ULK4: variants seen among roughly 807,000 people sequenced by gnomAD.
ULK4 encodes unc-51 like kinase 4, also known as inactive serine/threonine-protein kinase ULK4.
Under a neutral mutation model 160.6 loss-of-function variants are expected in ULK4, and 133 were observed. That is an observed-to-expected ratio of 0.83 (90% confidence interval 0.72 to 0.96). ULK4 has a LOEUF of 0.96. Among genes scored for constraint, ULK4 ranks in the 40% least tolerant of loss-of-function variants. ULK4 has a pLI of 0.00. For synonymous variants in ULK4, 534 were observed against 539.8 expected, an observed-to-expected ratio of 0.99 and a Z score of 0.15; for missense variants, 1,580 against 1,499.5, an observed-to-expected ratio of 1.05 and a Z score of -0.89.
rs117014843 is a variant in ULK4, at chr3:41,706,934, A to G, written c.2635-1629T>C. On this transcript the variant is annotated intron_variant, in intron 25 of 36. Transcript: ENST00000301831. ...AGAGAGAATAGAATCTATGTAACAT[A>G]TACAAAAGAACATAGGTATGTATTT... Among the ~76,000 whole-genome samples, 9 of 151,112 alleles carry G rather than the reference A, an allele frequency of 6.0e-5. No individual in the cohort carries two copies. In the East Asian group the frequency reaches 1.7e-3, roughly 29 times the overall value.
chr3:41,539,988 G>A (rs1314112194), intron 32 of ULK4, among the ~76,000 whole-genome samples: 2 of 151,942 alleles, frequency 1.3e-5, no homozygotes, highest in East Asian at 3.8e-4. Flanking sequence ...AAAGTTAGAG[G>A]AGAATATTTT....
intron 19 of ULK4, among the ~76,000 whole-genome samples, chr3:41,812,860 A>G (rs182463810): frequency 6.6e-6 from 1 of 152,162 alleles, no homozygotes; most frequent in African/African-American, 2.4e-5. Flanking sequence ...ATGTGTGTAC[A>G]TTAGGGAGGC....
chr3:41,299,816 C>T (rs1451805051), intron 35 of ULK4, among the ~76,000 whole-genome samples: 3 of 152,142 alleles, frequency 2.0e-5, no homozygotes, highest in Non-Finnish European at 4.4e-5. Context: ...ACAAAATATT[C>T]CACTGAAGGA....
At chr3:41,851,097 G>C (rs2042202216) in intron 17 of ULK4, among the ~76,000 whole-genome samples, 1 of 152,194 alleles carries the variant, frequency 6.6e-6, no homozygotes, top group African/African-American at 2.4e-5. Flanking sequence ...GCCCTTGCCA[G>C]AATTTCCAAC....
rs545254892 is a variant in ULK4 at position 41,454,985 on chromosome 3, G to A, written c.3492+512C>T. Among the ~76,000 whole-genome samples the A allele has an allele frequency of 8.5e-5, 13 of 152,144 alleles. No homozygotes were observed. In the South Asian group the frequency reaches 2.3e-3, roughly 27 times the overall value. On this transcript the variant is annotated intron_variant, in intron 34 of 36. Transcript: ENST00000301831. ...GTGCTAGGCTAAAACTGTTTAATAC[G>A]TCCAAACTCTGAATTTCTGTTGAGC...
At chr3:41,961,468 A>C (rs1470306394) in intron 1 of ULK4, among the ~76,000 whole-genome samples, 2 of 149,328 alleles carry the variant, frequency 1.3e-5, no homozygotes, top group Non-Finnish European at 2.9e-5. Context: ...CGCGCGCCAC[A>C]CTAAGCACTC....
chr3:41,615,659 C>T lies in ULK4; in HGVS notation c.3120+10G>A. On this transcript the variant is annotated intron_variant, in intron 31 of 36. Transcript: ENST00000301831. ...TCATTTGAATTTCAAATGCACATTT[C>T]CGTTCTTACCAGAGTTACTTCAAAA... The T allele has an allele frequency of 6.2e-7, 1 of 1,612,464 alleles. No individual in the cohort carries two copies. The highest frequency in any genetic ancestry group is 8.5e-7 in the Non-Finnish European group (1 of 1,179,172).
intron 5 of ULK4, among the ~76,000 whole-genome samples, chr3:41,929,025 C>T (rs902319596): frequency 5.3e-5 from 8 of 150,978 alleles, no homozygotes; most frequent in African/African-American, 1.2e-4. Context: ...CAAAGCCTGA[C>T]GGAGATATTA....
At chr3:41,641,174 AC>A (rs1398644768) in intron 30 of ULK4, among the ~76,000 whole-genome samples, 2 of 152,086 alleles carry the variant, frequency 1.3e-5, no homozygotes, top group Admixed American at 6.5e-5. Context: ...ATCCATTGTC[AC>A]CCTCCTGTGA....
chr3:41,373,884 C>G (rs982567392), intron 35 of ULK4, among the ~76,000 whole-genome samples: 3 of 151,570 alleles, frequency 2.0e-5, no homozygotes, highest in Admixed American at 1.3e-4. Context: ...ACAGATGGAC[C>G]GCTAGCCAGA....
intron 16 of ULK4, among the ~76,000 whole-genome samples, chr3:41,885,709 T>G (rs1385886254): frequency 6.6e-6 from 1 of 151,714 alleles, no homozygotes; most frequent in Non-Finnish European, 1.5e-5. Context: ...TTGAGACAGA[T>G]TCTCACTCTG....
intron 11 of ULK4, among the ~76,000 whole-genome samples, chr3:41,908,349 T>G (rs929792656): frequency 6.6e-6 from 1 of 152,166 alleles, no homozygotes; most frequent in African/African-American, 2.4e-5. Flanking sequence ...GGAGTTACAA[T>G]CCATACCTAT....
At chr3:41,256,930 C>T (rs2078846380) in intron 35 of ULK4, among the ~76,000 whole-genome samples, 1 of 152,160 alleles carries the variant, frequency 6.6e-6, no homozygotes, top group African/African-American at 2.4e-5. Flanking sequence ...TCATGGTTTA[C>T]TGTAACCTCA....
intron 17 of ULK4, among the ~76,000 whole-genome samples, chr3:41,851,924 C>A (rs532011094): frequency 6.0e-4 from 91 of 151,872 alleles, no homozygotes; most frequent in Non-Finnish European, 1.1e-3. Flanking sequence ...GATAGAAACA[C>A]AAAAAAACCC....
chr3:41,914,727 G>C (rs1220982204), intron 8 of ULK4: 1 of 152,128 alleles, frequency 6.6e-6, no homozygotes, highest in African/African-American at 2.4e-5. Context: ...CATTTAAAAT[G>C]ACCAGGCAGC....
intron 32 of ULK4, among the ~76,000 whole-genome samples, chr3:41,484,458 C>CTTTTTTTTTTTTTTTTT (rs369059587): frequency 2.2e-4 from 30 of 134,932 alleles, no homozygotes; most frequent in African/African-American, 2.3e-4. Flanking sequence ...CTTTCTTTTC[C>CTTTTTTTTTTTTTTTTT]TTTTTTTGTT....
intron 32 of ULK4, among the ~76,000 whole-genome samples, chr3:41,486,910 G>A (rs969690943): frequency 6.6e-6 from 1 of 152,020 alleles, no homozygotes; most frequent in Non-Finnish European, 1.5e-5. Flanking sequence ...ACTCAGATTT[G>A]GTTAGGTAAT....
intron 21 of ULK4, among the ~76,000 whole-genome samples, chr3:41,763,581 G>A (rs1216342126): frequency 6.6e-6 from 1 of 152,200 alleles, no homozygotes; most frequent in Non-Finnish European, 1.5e-5. Flanking sequence ...TGTGACTATA[G>A]AAACATTTAC....
chr3:41,824,305 T>C (rs2041261592), intron 18 of ULK4, among the ~76,000 whole-genome samples: 1 of 151,786 alleles, frequency 6.6e-6, no homozygotes, highest in Non-Finnish European at 1.5e-5. Context: ...CTGGGGAGTG[T>C]CGGACAGTGG....
Sources: allele counts gnomAD v4.1 joint callset (sites outside exome capture counted in the v4.1 genomes callset), GRCh38; gene constraint gnomAD v4.1.1; transcripts MANE v1.5; gene names NCBI Gene and HGNC (gene_info 2026-07-23, HGNC 2026-07-21).